LRRC4C: variants seen among roughly 807,000 people sequenced by gnomAD.
LRRC4C encodes the protein leucine-rich repeat-containing protein 4C.
LRRC4C carries 5 observed loss-of-function variants against 33.6 expected under a neutral mutation model. The observed-to-expected ratio is 0.15, with a 90% CI of 0.08 to 0.31. The LOEUF is 0.31. Ranked by LOEUF, LRRC4C falls within the 10% of genes least tolerant of loss-of-function variation. LRRC4C has a pLI of 1.00. For synonymous variants in LRRC4C, 329 were observed against 302.0 expected, an observed-to-expected ratio of 1.09 and a Z score of -0.93; for missense variants, 560 against 796.7, an observed-to-expected ratio of 0.70 and a Z score of 3.58.
chr11:40,823,804 C>T lies in LRRC4C; in HGVS notation c.-407+109831G>A, dbSNP rs78734862. On this transcript the variant is annotated intron_variant, in intron 2 of 6. Coordinates refer to ENST00000528697, the MANE Select transcript of LRRC4C (RefSeq NM_001258419.2). ...TTATAGTGTTAAACATAAACTTACC[C>T]TATGACCTAGAAACTCCACTCTTAA... is the stretch of plus-strand genomic sequence containing the variant. Among the ~76,000 whole-genome samples the T allele has an allele frequency of 1.6e-3, 243 of 151,860 alleles. 2 individuals are homozygous for T. The highest frequency in any genetic ancestry group is 5.7e-3 in the African/African-American group (235 of 41,484).
intron 1 of LRRC4C, among the ~76,000 whole-genome samples, chr11:41,257,955 G>A (rs1358945319): frequency 2.6e-5 from 4 of 151,624 alleles, no homozygotes; most frequent in African/African-American, 9.7e-5. Context: ...ATTTTTTCAT[G>A]GTGTGTTTGC....
intron 4 of LRRC4C, among the ~76,000 whole-genome samples, chr11:40,276,419 A>T (rs1454365315): frequency 1.3e-5 from 2 of 152,164 alleles, no homozygotes. Context: ...AGGGATAAGA[A>T]GGCACAACTG....
chr11:40,975,405 G>A (rs1371349026), intron 1 of LRRC4C, among the ~76,000 whole-genome samples: 1 of 152,082 alleles, frequency 6.6e-6, no homozygotes, highest in African/African-American at 2.4e-5. Context: ...AATACAATAA[G>A]CTTGACCCCG....
chr11:40,473,449 T>C (rs2138317437), intron 3 of LRRC4C, among the ~76,000 whole-genome samples: 1 of 152,220 alleles, frequency 6.6e-6, no homozygotes, highest in Admixed American at 6.6e-5. Context: ...AGGGGACATA[T>C]CTTAAAATAA....
At chr11:40,793,706 C>T (rs1290362423) in intron 2 of LRRC4C, among the ~76,000 whole-genome samples, 1 of 152,050 alleles carries the variant, frequency 6.6e-6, no homozygotes, top group Non-Finnish European at 1.5e-5. Context: ...TAATTTCAAC[C>T]GGAATGTGTG....
intron 6 of LRRC4C, among the ~76,000 whole-genome samples, chr11:40,124,449 A>G (rs2134703934): frequency 6.6e-6 from 1 of 152,338 alleles, no homozygotes; most frequent in Non-Finnish European, 1.5e-5. Flanking sequence ...TGTGGTACAT[A>G]TATACAATGA....
In LRRC4C at chr11:41,005,464, C is replaced by T. The variant is rs945061605; in HGVS notation, c.-495-71741G>A. On this transcript the variant is annotated intron_variant, in intron 1 of 6. Transcript: ENST00000528697. ...ACTAAAAATACAAAAATTAGCCGGGCGTGGTGGCACATGCCTGTAATCCCA... is the reference window on the plus strand; with the variant it reads ...ACTAAAAATACAAAAATTAGCCGGGTGTGGTGGCACATGCCTGTAATCCCA... 5.9e-5 allele frequency among the ~76,000 whole-genome samples: 9 copies of T among 152,076 alleles called. 1 individual carries two copies. The highest frequency in any genetic ancestry group is 1.9e-4 in the African/African-American group (8 of 41,420).
chr11:41,273,384 T>A (rs1949379164), intron 1 of LRRC4C, among the ~76,000 whole-genome samples: 1 of 152,140 alleles, frequency 6.6e-6, no homozygotes, highest in Non-Finnish European at 1.5e-5. Flanking sequence ...TAATAAAATA[T>A]GTGGATACAA....
intron 1 of LRRC4C, among the ~76,000 whole-genome samples, chr11:41,160,921 A>G (rs1314214868): frequency 6.6e-6 from 1 of 152,200 alleles, no homozygotes; most frequent in Non-Finnish European, 1.5e-5. Flanking sequence ...AATCAACACA[A>G]TCCACTAATT....
At chr11:41,456,204 C>T (rs1319450860) in intron 1 of LRRC4C, among the ~76,000 whole-genome samples, 1 of 152,092 alleles carries the variant, frequency 6.6e-6, no homozygotes, top group East Asian at 1.9e-4. Flanking sequence ...TCTTATTAGC[C>T]ACAGTTTCAG....
chr11:41,021,156 T>TGAGAGAGA (rs71060991), intron 1 of LRRC4C, among the ~76,000 whole-genome samples: 5 of 127,160 alleles, frequency 3.9e-5, no homozygotes, highest in African/African-American at 1.5e-4. Context: ...ATCGTGCATC[T>TGAGAGAGA]GAGAGAGAGA....
chr11:40,974,644 T>A (rs943512342), intron 1 of LRRC4C, among the ~76,000 whole-genome samples: 2 of 152,318 alleles, frequency 1.3e-5, no homozygotes, highest in Middle Eastern at 3.4e-3. Context: ...ACGTAGGGAA[T>A]TGGTAAAGCA....
At chr11:41,300,696 C>T (rs1950260853) in intron 1 of LRRC4C, among the ~76,000 whole-genome samples, 1 of 152,194 alleles carries the variant, frequency 6.6e-6, no homozygotes, top group Admixed American at 6.5e-5. Flanking sequence ...TCTACCTTGA[C>T]ATCCCCAGCT....
chr11:40,891,050 C>G (rs1955684769), intron 2 of LRRC4C, among the ~76,000 whole-genome samples: 1 of 152,004 alleles, frequency 6.6e-6, no homozygotes, highest in Non-Finnish European at 1.5e-5. Flanking sequence ...CAAAACCATC[C>G]TGGCCAATGT....
chr11:40,954,486 C>A (rs1192498732), intron 1 of LRRC4C, among the ~76,000 whole-genome samples: 1 of 151,804 alleles, frequency 6.6e-6, no homozygotes, highest in African/African-American at 2.4e-5. Flanking sequence ...CCCTCAGTAT[C>A]CAGTGAACAA....
intron 3 of LRRC4C, among the ~76,000 whole-genome samples, chr11:40,607,231 G>T (rs1960714193): frequency 1.3e-5 from 2 of 152,254 alleles, no homozygotes; most frequent in South Asian, 2.1e-4. Flanking sequence ...ATCGAAATTG[G>T]TACAGGATGG....
intron 4 of LRRC4C, among the ~76,000 whole-genome samples, chr11:40,248,597 G>C (rs991109341): frequency 2.6e-5 from 4 of 152,066 alleles, no homozygotes; most frequent in Non-Finnish European, 5.9e-5. Flanking sequence ...CAGCAACTTG[G>C]GATTCTGAAG....
intron 1 of LRRC4C, among the ~76,000 whole-genome samples, chr11:40,992,474 A>G (rs187209249): frequency 2.0e-5 from 3 of 151,296 alleles, no homozygotes; most frequent in South Asian, 4.2e-4. Flanking sequence ...CTGAGAATGT[A>G]AAGGGCGGGA....
intron 1 of LRRC4C, among the ~76,000 whole-genome samples, chr11:41,149,363 C>T (rs1029464525): frequency 1.3e-5 from 2 of 151,788 alleles, no homozygotes; most frequent in Admixed American, 6.6e-5. Flanking sequence ...AAAAATTAGC[C>T]GGGCGCAGTG....
Sources: allele counts gnomAD v4.1 joint callset (sites outside exome capture counted in the v4.1 genomes callset), GRCh38; gene constraint gnomAD v4.1.1; transcripts MANE v1.5; gene names NCBI Gene and HGNC (gene_info 2026-07-23, HGNC 2026-07-21).